MFN1: variants seen among roughly 807,000 people sequenced by gnomAD.
MFN1 encodes the protein mitofusin 1.
MFN1 carries 65 observed loss-of-function variants against 92.4 expected under a neutral mutation model. The ratio of observed to expected loss-of-function variants is 0.70; its 90% CI spans 0.58 to 0.86. MFN1 has a LOEUF of 0.86. Among genes scored for constraint, MFN1 ranks in the 40% least tolerant of loss-of-function variants. The pLI is 0.00. For synonymous variants in MFN1, 297 were observed against 300.9 expected (o/e 0.99, Z 0.13); for missense variants, 781 against 868.0 (o/e 0.90, Z 1.26).
rs901950847 is a variant in MFN1 at position 179,368,032 on chromosome 3, A to G, written c.908-4A>G. 1.3e-6 allele frequency: 2 copies of G among 1,546,706 alleles called. No individual in the cohort carries two copies. Among genetic ancestry groups the G allele is most frequent in the Admixed American group, 3.7e-5 (2 of 54,754 alleles). ...GTTTTTAAATCTTTGCCTGTACGTTACAGGTGTGGCACTTGCTGAAGGATT... is the reference window on the plus strand; with the variant it reads ...GTTTTTAAATCTTTGCCTGTACGTTGCAGGTGTGGCACTTGCTGAAGGATT... On this transcript the variant is annotated splice_region_variant and splice_polypyrimidine_tract_variant and intron_variant, in intron 8 of 17. Coordinates refer to ENST00000471841, the MANE Select transcript of MFN1 (RefSeq NM_033540.3).
chr3:179,369,265 G>C (rs1484340856), intron 9 of MFN1, among the ~76,000 whole-genome samples: 2 of 152,030 alleles, frequency 1.3e-5, no homozygotes, highest in African/African-American at 4.8e-5. Flanking sequence ...AGGCTGGAGT[G>C]CAGTTGGGCA....
At chr3:179,387,737 T>TG (rs1414336696) in intron 16 of MFN1, among the ~76,000 whole-genome samples, 2 of 149,294 alleles carry the variant, frequency 1.3e-5, no homozygotes, top group African/African-American at 4.9e-5. Flanking sequence ...TAATTTTTTT[T>TG]TTTTTTTTTG....
At chr3:179,350,977 G>T (rs527914823) in intron 2 of MFN1, among the ~76,000 whole-genome samples, 10 of 152,110 alleles carry the variant, frequency 6.6e-5, no homozygotes, top group African/African-American at 2.4e-4. Context: ...GCTAATTTTT[G>T]TACTTTTAGT....
At chr3:179,357,940 G>C (rs1178433276) in intron 3 of MFN1, among the ~76,000 whole-genome samples, 1 of 152,068 alleles carries the variant, frequency 6.6e-6, no homozygotes, top group Admixed American at 6.6e-5. Context: ...TGGGACCTGG[G>C]CTGGAATGAT....
At chr3:179,358,145 A>ATT (rs1287189333) in intron 3 of MFN1, among the ~76,000 whole-genome samples, 6 of 91,670 alleles carry the variant, frequency 6.5e-5, no homozygotes, top group Admixed American at 2.7e-4. Context: ...AGTGTCACTC[A>ATT]TTTTGTTTTT....
intron 14 of MFN1, among the ~76,000 whole-genome samples, chr3:179,383,399 G>A (rs1713548239): frequency 1.3e-5 from 2 of 152,090 alleles, no homozygotes; most frequent in Admixed American, 6.6e-5. Flanking sequence ...TATTATTTCT[G>A]AGGGCTCTGT....
intron 3 of MFN1, among the ~76,000 whole-genome samples, chr3:179,356,932 A>T (rs1006950368): frequency 4.6e-5 from 7 of 152,138 alleles, no homozygotes; most frequent in Non-Finnish European, 1.0e-4. Flanking sequence ...ATGGGGGGGA[A>T]CCTTAATCCA....
chr3:179,352,024 AT>A lies in MFN1; in HGVS notation c.243del (p.Phe81LeufsTer28). 1.9e-6 allele frequency: 3 copies of A among 1,590,460 alleles called. No homozygotes were observed. Among genetic ancestry groups the A allele is most frequent in the Non-Finnish European group, 1.7e-6 (2 of 1,163,692 alleles). ...TATCTCGGAGACACATGAAGGTGGCATTTTTTGGCAGGTAATTATTTATTAT... is the reference window on the plus strand; with the variant it reads ...TATCTCGGAGACACATGAAGGTGGCATTTTTGGCAGGTAATTATTTATTAT... Reference protein sequence around the residue: ...VLSRRHMKVAFFGRTSSGKSS... With the variant: ...VLSRRHMKVAXFGRTSSGKSS... On this transcript the variant is annotated frameshift_variant, in exon 3 of 18. Coordinates refer to ENST00000471841, the MANE Select transcript of MFN1 (RefSeq NM_033540.3). LOFTEE classifies it high-confidence loss of function.
At chr3:179,370,734 C>T (rs1480229482) in intron 9 of MFN1, among the ~76,000 whole-genome samples, 1 of 152,088 alleles carries the variant, frequency 6.6e-6, no homozygotes, top group African/African-American at 2.4e-5. Context: ...ACATTGTTTA[C>T]GTTGAAGATG....
intron 3 of MFN1, among the ~76,000 whole-genome samples, chr3:179,353,135 C>T (rs1712216089): frequency 6.7e-6 from 1 of 149,750 alleles, no homozygotes; most frequent in African/African-American, 2.5e-5. Flanking sequence ...CTCACTGCAA[C>T]CTCCGCCTCC....
intron 7 of MFN1, among the ~76,000 whole-genome samples, chr3:179,366,543 ATAACT>A (rs1191468501): frequency 8.5e-5 from 13 of 152,306 alleles, no homozygotes; most frequent in African/African-American, 2.6e-4. Flanking sequence ...CAAGATAAAA[ATAACT>A]TAAACTATCC....
intron 14 of MFN1, among the ~76,000 whole-genome samples, chr3:179,383,155 C>A (rs1441380477): frequency 6.6e-6 from 1 of 152,178 alleles, no homozygotes; most frequent in Non-Finnish European, 1.5e-5. Flanking sequence ...TGCCTGTGTC[C>A]TGAATGATAT....
intron 12 of MFN1, among the ~76,000 whole-genome samples, chr3:179,378,031 A>T (rs1018118490): frequency 6.6e-6 from 1 of 151,996 alleles, no homozygotes; most frequent in Non-Finnish European, 1.5e-5. Flanking sequence ...CTGCACTCCA[A>T]CCTGGGCAAC....
intron 3 of MFN1, among the ~76,000 whole-genome samples, chr3:179,357,648 A>C (rs913042348): frequency 6.6e-6 from 1 of 152,222 alleles, no homozygotes; most frequent in African/African-American, 2.4e-5. Context: ...GGGTTGACTT[A>C]ATGGAAAGCA....
At position 179,368,915 on chromosome 3, in the gene MFN1, G is replaced by T. The variant is rs141399914; in HGVS notation, c.975+812G>T. ...AGTAGTAACTGCTTTAATGTAAAGG[G>T]GACATGAATGTTGAGTATACTTGGC... On this transcript the variant is annotated intron_variant, in intron 9 of 17. Coordinates refer to ENST00000471841, the MANE Select transcript of MFN1 (RefSeq NM_033540.3). Among the ~76,000 whole-genome samples the T allele has an allele frequency of 2.3e-3, 346 of 152,214 alleles. 1 individual carries two copies. In the Middle Eastern group the frequency reaches 0.027, roughly 12 times the overall value.
intron 3 of MFN1, among the ~76,000 whole-genome samples, chr3:179,355,554 A>G (rs1302310317): frequency 6.6e-6 from 1 of 152,210 alleles, no homozygotes; most frequent in Non-Finnish European, 1.5e-5. Flanking sequence ...TTATTGGCTT[A>G]TGTTGGTGAT....
intron 16 of MFN1, 30 bp downstream of exon 16, chr3:179,386,659 A>C: frequency 6.4e-7 from 1 of 1,566,408 alleles, no homozygotes; most frequent in Non-Finnish European, 8.6e-7. Flanking sequence ...TTTCCTTTAA[A>C]AAAAAGTTAC....
chr3:179,386,572 A>C lies in MFN1; in HGVS notation c.1955A>C (p.Glu652Ala), dbSNP rs1444771664. Residue 652 changes from glutamate (E) to alanine (A), a missense_variant, in exon 16 of 18, where the codon GAA (glutamate) becomes GCA (alanine). Physicochemically the swap from Glu to Ala is moderately radical, Grantham distance 107 (BLOSUM62 -1). Transcript: ENST00000471841. ...CAGCAGTTTGTAAACTATGCAACTGAAAAACTGAGGATGATTGTTAGCTCC... is the reference window on the plus strand; with the variant it reads ...CAGCAGTTTGTAAACTATGCAACTGCAAAACTGAGGATGATTGTTAGCTCC... ...FKQQFVNYAT[E>A]KLRMIVSSTS... is the part of the protein sequence containing the mutation. The C allele has an allele frequency of 6.2e-7, 1 of 1,614,110 alleles. No individual in the cohort carries two copies. Among genetic ancestry groups the C allele is most frequent in the Admixed American group, 1.7e-5 (1 of 60,002 alleles).
chr3:179,377,713 C>T (rs1577012639), intron 12 of MFN1, among the ~76,000 whole-genome samples: 1 of 152,140 alleles, frequency 6.6e-6, no homozygotes, highest in Non-Finnish European at 1.5e-5. Flanking sequence ...GTGGGAGGAT[C>T]AGTTGGGCCC....
Sources: gnomAD v4.1 joint callset for allele counts (sites outside exome capture counted in the v4.1 genomes callset) on GRCh38, gnomAD v4.1.1 for gene constraint, MANE v1.5 for transcripts, NCBI Gene and HGNC (gene_info 2026-07-23, HGNC 2026-07-21) for gene names.